SLC9A9: variants seen among roughly 807,000 people sequenced by gnomAD.
SLC9A9 encodes the protein sodium/hydrogen exchanger 9.
In SLC9A9, 62 loss-of-function variants were observed where a neutral mutation model predicts 77.8. The ratio of observed to expected loss-of-function variants is 0.80; its 90% confidence interval spans 0.65 to 0.98. The LOEUF (loss-of-function observed/expected upper bound fraction) is 0.98. Ranked by LOEUF, SLC9A9 falls within the 50% of genes least tolerant of loss-of-function variation. SLC9A9 has a pLI of 0.00. For missense variants in SLC9A9, 775 were observed against 774.9 expected, an observed-to-expected ratio of 1.00 and a Z score of 0.00; for synonymous variants, 320 against 283.5, an observed-to-expected ratio of 1.13 and a Z score of -1.29.
chr3:143,813,061 A>C (rs1408740834), intron 2 of SLC9A9, among the ~76,000 whole-genome samples: 1 of 152,030 alleles, frequency 6.6e-6, no homozygotes, highest in Non-Finnish European at 1.5e-5. Flanking sequence ...ATTTGGCATA[A>C]GAATTTTCTG....
At chr3:143,804,474 C>T (rs577264144) in intron 2 of SLC9A9, among the ~76,000 whole-genome samples, 32 of 152,272 alleles carry the variant, frequency 2.1e-4, no homozygotes, top group African/African-American at 2.6e-4. Flanking sequence ...TGATGGCTGC[C>T]GCCCTAGCTG....
rs2108397159 is a variant in SLC9A9, at chr3:143,270,756, G to GA, written c.1605-1777dup. Among the ~76,000 whole-genome samples, 2 of 152,268 alleles carry GA rather than the reference G, an allele frequency of 1.3e-5. 1 individual carries two copies. Among genetic ancestry groups the GA allele is most frequent in the South Asian group, 4.1e-4 (2 of 4,826 alleles). On this transcript the variant is annotated intron_variant, in intron 14 of 15. Coordinates refer to ENST00000316549, the MANE Select transcript of SLC9A9 (RefSeq NM_173653.4). ...CTTCTGCTGAGAGGCTCAGCATACTGAAAAAGCCAAAATAATGTTACAAAA... is the reference window on the plus strand; with the variant it reads ...CTTCTGCTGAGAGGCTCAGCATACTGAAAAAAGCCAAAATAATGTTACAAAA...
intron 14 of SLC9A9, among the ~76,000 whole-genome samples, chr3:143,282,045 T>C (rs1052134845): frequency 6.6e-6 from 1 of 152,224 alleles, no homozygotes; most frequent in Non-Finnish European, 1.5e-5. Context: ...AGCTTGGCAC[T>C]TGGAAATCCT....
intron 5 of SLC9A9, among the ~76,000 whole-genome samples, chr3:143,655,192 C>T (rs911079352): frequency 2.0e-5 from 3 of 152,314 alleles, no homozygotes; most frequent in African/African-American, 7.2e-5. Flanking sequence ...TTAATTAGCT[C>T]CCTGGCAGGG....
intron 5 of SLC9A9, among the ~76,000 whole-genome samples, chr3:143,692,320 A>C (rs1446059936): frequency 6.6e-6 from 1 of 152,220 alleles, no homozygotes; most frequent in Non-Finnish European, 1.5e-5. Flanking sequence ...ACAATAAGAC[A>C]ATTAGGAATA....
chr3:143,378,494 GAAT>G (rs757898339), intron 13 of SLC9A9, among the ~76,000 whole-genome samples: 9 of 152,216 alleles, frequency 5.9e-5, no homozygotes, highest in Non-Finnish European at 1.3e-4. Flanking sequence ...GCAGTGTTAA[GAAT>G]AATAGCTAGT....
intron 6 of SLC9A9, among the ~76,000 whole-genome samples, chr3:143,643,827 G>A (rs2038660106): frequency 6.6e-6 from 1 of 152,124 alleles, no homozygotes. Context: ...GGATGGGAAT[G>A]TGACTCAGAT....
chr3:143,615,727 C>T (rs1258163584), intron 6 of SLC9A9, among the ~76,000 whole-genome samples: 1 of 152,078 alleles, frequency 6.6e-6, no homozygotes, highest in Non-Finnish European at 1.5e-5. Flanking sequence ...TCATCACTGA[C>T]TTTCAAAACA....
rs2009450714 is a variant in SLC9A9, at chr3:143,832,090, C to T, written c.307G>A (p.Glu103Lys). The T allele has an allele frequency of 1.9e-6, 3 of 1,612,978 alleles. No homozygotes were observed. Among genetic ancestry groups the T allele is most frequent in the Non-Finnish European group, 2.5e-6 (3 of 1,179,448 alleles). Residue 103 changes from glutamate to lysine, a missense_variant, in exon 2 of 16, where the codon GAA becomes AAA. Glu to Lys is a moderately conservative substitution (Grantham distance 56). Coordinates refer to ENST00000316549, the MANE Select transcript of SLC9A9 (RefSeq NM_173653.4). Reference sequence around the variant, plus strand: ...CTTATTTCTCTTTTGTATTTATATTCATAAACTTGGTCAGTGATATTAACC... The same window carrying T: ...CTTATTTCTCTTTTGTATTTATATTTATAAACTTGGTCAGTGATATTAACC... ...LLVNITDQVY[E>K]YKYKREISQH... is the part of the protein sequence containing the mutation.
chr3:143,359,299 A>G lies in SLC9A9; in HGVS notation c.1604+4185T>C, dbSNP rs2032675249. On this transcript the variant is annotated intron_variant, in intron 14 of 15. Transcript: ENST00000316549. ...ATACCAGGGAATGAAAACAGACCCA[A>G]TTTCTGTCTATGGAAGGCACATATC... is the stretch of plus-strand genomic sequence containing the variant. Among the ~76,000 whole-genome samples the G allele has an allele frequency of 4.6e-5, 7 of 152,278 alleles. 1 individual carries two copies. The South Asian group carries it at 1.5e-3, about 32-fold the overall frequency.
At chr3:143,837,559 G>A (rs187810352) in intron 1 of SLC9A9, among the ~76,000 whole-genome samples, 5 of 152,178 alleles carry the variant, frequency 3.3e-5, no homozygotes, top group South Asian at 4.2e-4. Context: ...TTTCAAACTG[G>A]TAAGTGTATC....
intron 6 of SLC9A9, among the ~76,000 whole-genome samples, chr3:143,613,905 A>G (rs998218967): frequency 1.3e-5 from 2 of 152,206 alleles, no homozygotes; most frequent in Non-Finnish European, 2.9e-5. Context: ...CTAGAAAAAA[A>G]TAGCTCTATT....
At chr3:143,668,396 G>T (rs1349362513) in intron 5 of SLC9A9, among the ~76,000 whole-genome samples, 2 of 151,538 alleles carry the variant, frequency 1.3e-5, no homozygotes, top group Non-Finnish European at 2.9e-5. Context: ...CGAGTTAATG[G>T]GTGCAGCACA....
chr3:143,343,800 T>C (rs539489271), intron 14 of SLC9A9, among the ~76,000 whole-genome samples: 62 of 152,164 alleles, frequency 4.1e-4, no homozygotes, highest in Non-Finnish European at 6.8e-4. Context: ...CAAGGAGTCT[T>C]TGTGCTCTTG....
intron 11 of SLC9A9, among the ~76,000 whole-genome samples, chr3:143,475,819 C>T (rs1337979152): frequency 6.8e-6 from 1 of 147,856 alleles, no homozygotes; most frequent in Admixed American, 6.7e-5. Flanking sequence ...ACAATTGGAA[C>T]CCAAAAGAAA....
At chr3:143,685,086 C>G (rs1430037310) in intron 5 of SLC9A9, among the ~76,000 whole-genome samples, 1 of 151,964 alleles carries the variant, frequency 6.6e-6, no homozygotes, top group African/African-American at 2.4e-5. Context: ...AAATTTAACT[C>G]AAGCCACATA....
chr3:143,725,264 A>G (rs1036191724), intron 4 of SLC9A9, among the ~76,000 whole-genome samples: 2 of 152,152 alleles, frequency 1.3e-5, no homozygotes, highest in Non-Finnish European at 1.5e-5. Context: ...GTGGAGAAAT[A>G]GGAACACTTT....
chr3:143,741,419 C>T (rs1935069841), intron 4 of SLC9A9, among the ~76,000 whole-genome samples: 2 of 152,144 alleles, frequency 1.3e-5, no homozygotes, highest in South Asian at 4.1e-4. Context: ...CAAACATCCA[C>T]AAGTCCACAC....
In SLC9A9 at chr3:143,848,430, C is replaced by T. The variant is rs1359781536; in HGVS notation, c.-108G>A. The T allele has an allele frequency of 1.4e-6, 2 of 1,416,166 alleles. No homozygotes were observed. The highest frequency in any genetic ancestry group is 4.6e-5 in the East Asian group (2 of 43,314). The allele number at this position is 1,416,166 out of a possible 1,614,324, so 87.7% of individuals were successfully genotyped here. On this transcript the variant is annotated 5_prime_UTR_variant, in exon 1 of 16. Coordinates refer to ENST00000316549, the MANE Select transcript of SLC9A9 (RefSeq NM_173653.4). ...CTGAGAATTTCAGAAGAAACACTGC[C>T]ACTTTAGTTGCTACTTCACAAGCAT... is the stretch of plus-strand genomic sequence containing the variant.
Sources: allele counts gnomAD v4.1 joint callset (sites outside exome capture counted in the v4.1 genomes callset), GRCh38; gene constraint gnomAD v4.1.1; transcripts MANE v1.5; gene names NCBI Gene and HGNC (gene_info 2026-07-23, HGNC 2026-07-21).